TAOK1: variants seen among roughly 807,000 people sequenced by gnomAD.
TAOK1 encodes the protein serine/threonine-protein kinase TAO1.
In TAOK1, 21 loss-of-function variants were observed where a neutral mutation model predicts 138.3. The observed-to-expected ratio is 0.15, with a 90% CI of 0.11 to 0.22. The LOEUF (loss-of-function observed/expected upper bound fraction) is 0.22. TAOK1 is among the 10% of genes least tolerant of loss of function. The pLI is 1.00. For missense variants in TAOK1, 651 were observed against 1,227.7 expected, an observed-to-expected ratio of 0.53 and a Z score of 7.02; for synonymous variants, 361 against 398.4, an observed-to-expected ratio of 0.91 and a Z score of 1.12.
chr17:29,422,268 G>GGA, intron 1 of TAOK1, among the ~76,000 whole-genome samples: 1 of 150,762 alleles, frequency 6.6e-6, no homozygotes, highest in Non-Finnish European at 1.5e-5. Flanking sequence ...CAGTGGCGCA[G>GGA]TCTCGGCTCG....
intron 1 of TAOK1, among the ~76,000 whole-genome samples, chr17:29,416,069 C>T (rs924576492): frequency 6.6e-6 from 1 of 152,032 alleles, no homozygotes; most frequent in Non-Finnish European, 1.5e-5. Flanking sequence ...TCGAGACCAG[C>T]CTGGCCAACA....
intron 19 of TAOK1, among the ~76,000 whole-genome samples, chr17:29,535,391 G>A (rs543703460): frequency 6.6e-6 from 1 of 152,246 alleles, no homozygotes; most frequent in South Asian, 2.1e-4. Flanking sequence ...GAACTCTTGA[G>A]TCTTAAATTC....
chr17:29,508,264 T>C (rs2031661912), intron 14 of TAOK1, 132 bp downstream of exon 14: 2 of 730,064 alleles, frequency 2.7e-6, no homozygotes, highest in Non-Finnish European at 4.6e-6. Flanking sequence ...GAAGCATTTA[T>C]GTGACTTATA....
chr17:29,440,502 CTCTTG>C lies in TAOK1; in HGVS notation c.-94-10948_-94-10944del, dbSNP rs965708998. Among the ~76,000 whole-genome samples the C allele has an allele frequency of 5.5e-4, 80 of 146,466 alleles. 1 individual carries two copies. Among genetic ancestry groups the C allele is most frequent in the Admixed American group, 4.1e-3 (58 of 14,304 alleles). ...AAAAGGAAACAGCTGGAAGGAGAGG[CTCTTG>C]TCTTATCAGTCAGTATTTAGATACT... On this transcript the variant is annotated intron_variant, in intron 1 of 19. Transcript: ENST00000261716.
chr17:29,407,349 GTC>G (rs1217243037), intron 1 of TAOK1, among the ~76,000 whole-genome samples: 2 of 152,082 alleles, frequency 1.3e-5, no homozygotes, highest in African/African-American at 4.8e-5. Flanking sequence ...AACAGTAGGT[GTC>G]TCTCAACACA....
At position 29,498,474 on chromosome 17, in the gene TAOK1, G is replaced by A; in HGVS notation, c.1156G>A (p.Gly386Arg). The change falls in exon 12 of 20, where the codon GGA (glycine) becomes AGA (arginine). Residue 386 changes from glycine to arginine, a missense_variant. By Grantham distance (125) the Gly-to-Arg change is moderately radical. Coordinates refer to ENST00000261716, the MANE Select transcript of TAOK1 (RefSeq NM_020791.4). ...CAAGAGTGAGCTAGACATGATGGAGGGAGACCACACAGTGATGTCTAACAG... is the reference window on the plus strand; with the variant it reads ...CAAGAGTGAGCTAGACATGATGGAGAGAGACCACACAGTGATGTCTAACAG... Reference protein sequence around the residue: ...DDKSELDMMEGDHTVMSNSSV... With the variant: ...DDKSELDMMERDHTVMSNSSV... 1 of 1,614,132 alleles carries A rather than the reference G, an allele frequency of 6.2e-7. No individual in the cohort carries two copies. Among genetic ancestry groups the A allele is most frequent in the Non-Finnish European group, 8.5e-7 (1 of 1,180,014 alleles).
intron 5 of TAOK1, 33 bp from the exon 6 acceptor site, chr17:29,478,216 TTC>T: frequency 6.7e-7 from 1 of 1,502,680 alleles, no homozygotes. Flanking sequence ...AACAAAAATG[TTC>T]TGTGTATTAA....
In TAOK1 at chr17:29,548,827, C is replaced by T. The variant is rs760044440; in HGVS notation, c.*5805C>T. On this transcript the variant is annotated 3_prime_UTR_variant, in exon 20 of 20. Transcript: ENST00000261716. The stretch of plus-strand genomic sequence containing the variant: ...CTGTCATTACCAGTTGTGGTCCTAG[C>T]ATCTAACCCTGAAACCATCCTAGGT... The T allele has an allele frequency of 3.3e-5, 5 of 152,126 alleles. No homozygotes were observed. The highest frequency in any genetic ancestry group is 6.5e-5 in the Admixed American group (1 of 15,276). 9.4% of individuals were successfully genotyped at this position (152,126 alleles called of 1,614,324 possible). A position where few individuals can be genotyped will look rare whatever the true frequency, so the allele number is the denominator to read the frequency against.
intron 19 of TAOK1, among the ~76,000 whole-genome samples, chr17:29,540,147 A>G (rs1404146947): frequency 6.6e-6 from 1 of 152,220 alleles, no homozygotes; most frequent in Non-Finnish European, 1.5e-5. Flanking sequence ...CTGGAGTAAG[A>G]AGAGTTTGAA....
At chr17:29,523,482 G>T (rs1476040888) in intron 17 of TAOK1, among the ~76,000 whole-genome samples, 1 of 152,114 alleles carries the variant, frequency 6.6e-6, no homozygotes, top group Non-Finnish European at 1.5e-5. Context: ...CTGCCTCCTG[G>T]GTTCATGCCA....
chr17:29,415,415 C>T (rs1044380290), intron 1 of TAOK1, among the ~76,000 whole-genome samples: 5 of 152,132 alleles, frequency 3.3e-5, no homozygotes, highest in African/African-American at 1.2e-4. Context: ...TTTAAGGAAA[C>T]GGCCACCTAT....
chr17:29,485,919 A>G (rs984191870), intron 8 of TAOK1, among the ~76,000 whole-genome samples: 4 of 152,230 alleles, frequency 2.6e-5, no homozygotes, highest in Admixed American at 2.6e-4. Flanking sequence ...TTACAGAAGC[A>G]ATCCAAATTT....
At chr17:29,415,969 A>G (rs1598471470) in intron 1 of TAOK1, among the ~76,000 whole-genome samples, 2 of 152,320 alleles carry the variant, frequency 1.3e-5, no homozygotes, top group Non-Finnish European at 2.9e-5. Context: ...TGCATTAAAA[A>G]AGAACAGTTT....
At chr17:29,439,975 A>G (rs1247429611) in intron 1 of TAOK1, among the ~76,000 whole-genome samples, 1 of 151,968 alleles carries the variant, frequency 6.6e-6, no homozygotes, top group Admixed American at 6.6e-5. Context: ...CCTCATCCTC[A>G]ACCTAAAAGT....
intron 8 of TAOK1, among the ~76,000 whole-genome samples, chr17:29,486,537 G>T (rs1304461040): frequency 6.6e-6 from 1 of 152,098 alleles, no homozygotes; most frequent in Non-Finnish European, 1.5e-5. Flanking sequence ...GGAGACTGAG[G>T]CAGGAGGATC....
At chr17:29,397,606 C>CA (rs1343573746) in intron 1 of TAOK1, among the ~76,000 whole-genome samples, 3 of 41,940 alleles carry the variant, frequency 7.2e-5, no homozygotes, top group Non-Finnish European at 1.1e-4. Flanking sequence ...CCGTCCCCCC[C>CA]CAAAAAAATA....
intron 1 of TAOK1, among the ~76,000 whole-genome samples, chr17:29,436,705 C>T (rs9910734): frequency 2.2e-4 from 34 of 151,982 alleles, no homozygotes; most frequent in Admixed American, 5.2e-4. Context: ...ATAGCAAATA[C>T]GGAGACATTA....
In TAOK1 at chr17:29,434,255, G is replaced by A. The variant is rs79873522; in HGVS notation, c.-94-17200G>A. On this transcript the variant is annotated intron_variant, in intron 1 of 19. Coordinates refer to ENST00000261716, the MANE Select transcript of TAOK1 (RefSeq NM_020791.4). ...TTGGGAAATTAACTCTTTCTAGTTC[G>A]GAGGATGCATTTGAGGGGAGTGTCT... Among the ~76,000 whole-genome samples, 39 of 152,192 alleles carry A rather than the reference G, an allele frequency of 2.6e-4. No homozygotes were observed. In the East Asian group the frequency reaches 5.0e-3, roughly 20 times the overall value.
chr17:29,503,876 T>A (rs1396671880), intron 13 of TAOK1, among the ~76,000 whole-genome samples: 2 of 152,026 alleles, frequency 1.3e-5, no homozygotes, highest in African/African-American at 4.8e-5. Flanking sequence ...TTTGGGAGGC[T>A]GAAGTAAGTG....
Sources: gnomAD v4.1 joint callset for allele counts (sites outside exome capture counted in the v4.1 genomes callset) on GRCh38, gnomAD v4.1.1 for gene constraint, MANE v1.5 for transcripts, NCBI Gene and HGNC (gene_info 2026-07-23, HGNC 2026-07-21) for gene names.